Variants in SLC9C1 observed in about 807,000 individuals in gnomAD.
SLC9C1 encodes the protein solute carrier family 9 member C1, also known as sodium/hydrogen exchanger 10.
SLC9C1 carries 97 observed loss-of-function variants against 140.9 expected under a neutral mutation model. The ratio of observed to expected loss-of-function variants is 0.69; its 90% confidence interval spans 0.58 to 0.82. The LOEUF (loss-of-function observed/expected upper bound fraction) is 0.82. Ranked by LOEUF, SLC9C1 falls within the 40% of genes least tolerant of loss-of-function variation. SLC9C1 has a pLI of 0.00. For synonymous variants in SLC9C1, 440 were observed against 442.6 expected (o/e 0.99, Z 0.07); for missense variants, 1,340 against 1,389.3 (o/e 0.96, Z 0.56).
chr3:112,268,934 G>T lies in SLC9C1; in HGVS notation c.775+982C>A, dbSNP rs554023431. On this transcript the variant is annotated intron_variant, in intron 7 of 28. Transcript: ENST00000305815. ...TCTGAGGCTGTGTCAGGAAACAGCA[G>T]TATGGCTAATTATCAATAGCTACCA... 9.2e-5 allele frequency among the ~76,000 whole-genome samples: 14 copies of T among 152,300 alleles called. No individual in the cohort carries two copies. In the East Asian group the frequency reaches 2.7e-3, roughly 29 times the overall value.
chr3:112,242,817 C>T (rs2108226229), intron 11 of SLC9C1, among the ~76,000 whole-genome samples: 1 of 151,778 alleles, frequency 6.6e-6, no homozygotes, highest in East Asian at 1.9e-4. Context: ...ACTATGTATC[C>T]ACAAAAATTA....
intron 17 of SLC9C1, among the ~76,000 whole-genome samples, chr3:112,203,839 C>A (rs530970589): frequency 1.3e-5 from 2 of 151,952 alleles, no homozygotes; most frequent in South Asian, 4.2e-4. Context: ...AGGATATTTT[C>A]TTTGTCCCTA....
chr3:112,272,849 A>G (rs1278466311), intron 6 of SLC9C1, among the ~76,000 whole-genome samples: 1 of 152,200 alleles, frequency 6.6e-6, no homozygotes, highest in African/African-American at 2.4e-5. Flanking sequence ...TAGAATAGAA[A>G]TTCTCACATA....
At chr3:112,197,750 T>A (rs1043806670) in intron 20 of SLC9C1, among the ~76,000 whole-genome samples, 64 of 152,192 alleles carry the variant, frequency 4.2e-4, no homozygotes, top group African/African-American at 1.5e-3. Flanking sequence ...TACCATTTTC[T>A]TAATAAATTA....
At chr3:112,188,362 T>A (rs2077579706) in intron 20 of SLC9C1, among the ~76,000 whole-genome samples, 1 of 151,930 alleles carries the variant, frequency 6.6e-6, no homozygotes, top group South Asian at 2.1e-4. Flanking sequence ...ATTAGGTATT[T>A]CTCCTAATGC....
At chr3:112,169,140 GT>G in intron 24 of SLC9C1, 56 bp downstream of exon 24, 1 of 1,590,616 alleles carries the variant, frequency 6.3e-7, no homozygotes, top group Non-Finnish European at 8.6e-7. Context: ...CAATTATAAT[GT>G]TTTAATGCCA....
chr3:112,241,567 T>A (rs2079140207), intron 11 of SLC9C1, among the ~76,000 whole-genome samples: 1 of 152,194 alleles, frequency 6.6e-6, no homozygotes, highest in Non-Finnish European at 1.5e-5. Flanking sequence ...GAACTACTAA[T>A]GTCATTTTTC....
At chr3:112,226,139 G>A (rs1047706536) in intron 13 of SLC9C1, among the ~76,000 whole-genome samples, 4 of 152,014 alleles carry the variant, frequency 2.6e-5, no homozygotes, top group African/African-American at 7.3e-5. Flanking sequence ...GCATATGGTA[G>A]GCCACAAAAC....
At chr3:112,244,584 A>T (rs1576433766) in intron 10 of SLC9C1, among the ~76,000 whole-genome samples, 1 of 152,140 alleles carries the variant, frequency 6.6e-6, no homozygotes, top group African/African-American at 2.4e-5. Context: ...GTACCCTTTC[A>T]TTGTCAGGAA....
intron 28 of SLC9C1, among the ~76,000 whole-genome samples, chr3:112,142,517 C>T (rs1315210626): frequency 2.0e-5 from 3 of 152,096 alleles, no homozygotes; most frequent in South Asian, 2.1e-4. Context: ...AAACTGCTGA[C>T]TTGGGTGTCC....
At chr3:112,204,132 C>G in intron 17 of SLC9C1, 86 bp downstream of exon 17, 1 of 1,292,332 alleles carries the variant, frequency 7.7e-7, no homozygotes, top group Non-Finnish European at 1.0e-6. Flanking sequence ...AATATGTTAA[C>G]CATAAAACTA....
intron 23 of SLC9C1, 47 bp downstream of exon 23, chr3:112,179,484 A>G: frequency 1.3e-6 from 2 of 1,547,508 alleles, no homozygotes; most frequent in Non-Finnish European, 1.7e-6. Context: ...TAAATCTGAT[A>G]TTATTTAACA....
intron 6 of SLC9C1, among the ~76,000 whole-genome samples, chr3:112,270,908 T>C (rs1559738483): frequency 1.3e-5 from 2 of 152,182 alleles, no homozygotes; most frequent in African/African-American, 4.8e-5. Flanking sequence ...TTATGTCCAA[T>C]ATATGGAGTC....
chr3:112,159,812 GA>G (rs1159771076), intron 26 of SLC9C1, among the ~76,000 whole-genome samples: 1 of 128,812 alleles, frequency 7.8e-6, no homozygotes, highest in African/African-American at 2.7e-5. Flanking sequence ...ATTATATAAT[GA>G]CCTTTTTTGT....
chr3:112,144,174 C>CTT (rs138026716), intron 28 of SLC9C1, among the ~76,000 whole-genome samples: 50 of 72,152 alleles, frequency 6.9e-4, no homozygotes, highest in African/African-American at 1.1e-3. Context: ...GATGCCCTGG[C>CTT]TTTTTTTTTT....
rs753133218 is a variant in SLC9C1, at chr3:112,208,131, C to T, written c.1986+47G>A. ...TTGAAAAACAAGGCTAGGAAATCTC[C>T]CTGTCAGACATATAACACTTCCATA... On this transcript the variant is annotated intron_variant, in intron 16 of 28. Coordinates refer to ENST00000305815, the MANE Select transcript of SLC9C1 (RefSeq NM_183061.3). 1.7e-5 allele frequency: 24 copies of T among 1,390,672 alleles called. 1 individual carries two copies. In the South Asian group the frequency reaches 3.6e-4, roughly 21 times the overall value. The allele number at this position is 1,390,672 out of a possible 1,614,324, so 86.1% of individuals were successfully genotyped here.
chr3:112,188,131 G>A (rs967009282), intron 20 of SLC9C1, among the ~76,000 whole-genome samples: 1 of 152,086 alleles, frequency 6.6e-6, no homozygotes, highest in African/African-American at 2.4e-5. Flanking sequence ...CATATAGGCT[G>A]TTTATAATAT....
chr3:112,159,830 T>C (rs532090596), intron 26 of SLC9C1, among the ~76,000 whole-genome samples: 10 of 151,962 alleles, frequency 6.6e-5, no homozygotes, highest in Admixed American at 2.6e-4. Flanking sequence ...TTGTTCTTTT[T>C]TTGGTAAAGA....
chr3:112,278,886 C>T (rs756686462), intron 3 of SLC9C1, 29 bp from the exon 4 acceptor site: 16 of 1,588,482 alleles, frequency 1.0e-5, no homozygotes, highest in Non-Finnish European at 1.4e-5. Flanking sequence ...ATCATCTTCT[C>T]ATTTATTCAT....
Sources: gnomAD v4.1 joint callset for allele counts (sites outside exome capture counted in the v4.1 genomes callset) on GRCh38, gnomAD v4.1.1 for gene constraint, MANE v1.5 for transcripts, NCBI Gene and HGNC (gene_info 2026-07-23, HGNC 2026-07-21) for gene names.